NECAB3: variants seen among roughly 807,000 people sequenced by gnomAD.
The protein encoded by NECAB3 is N-terminal EF-hand calcium binding protein 3.
In NECAB3, 38 loss-of-function variants were observed where a neutral mutation model predicts 57.2. That is an observed-to-expected ratio of 0.66 (90% CI 0.51 to 0.87). The LOEUF is 0.87. NECAB3 is among the 40% of genes least tolerant of loss of function. NECAB3 has a pLI of 0.00. For synonymous variants in NECAB3, 223 were observed against 222.6 expected, an observed-to-expected ratio of 1.00 and a Z score of -0.02; for missense variants, 474 against 527.5, an observed-to-expected ratio of 0.90 and a Z score of 0.99.
intron 3 of NECAB3, chr20:33,670,460 T>C: frequency 2.3e-6 from 1 of 442,542 alleles, no homozygotes; most frequent in South Asian, 4.1e-5. Flanking sequence ...CCATGGGTGG[T>C]GACTCAGACT....
In NECAB3 at chr20:33,672,778, G is replaced by A. The variant is rs1159353544; in HGVS notation, c.130-356C>T. On this transcript the variant is annotated intron_variant, in intron 1 of 11. Transcript: ENST00000246190. ...ACAGTTCCAGCTTGAGGAAGGTTGA[G>A]GAGATGGGCCAGGTTGTGGCCCAGG... Among the ~76,000 whole-genome samples the A allele has an allele frequency of 3.9e-5, 6 of 152,310 alleles. No individual in the cohort carries two copies. In the East Asian group the frequency reaches 1.2e-3, roughly 29 times the overall value.
intron 1 of NECAB3, among the ~76,000 whole-genome samples, chr20:33,673,974 C>A (rs1421663983): frequency 6.6e-6 from 1 of 152,062 alleles, no homozygotes; most frequent in Non-Finnish European, 1.5e-5. Flanking sequence ...CCCCCGCCAA[C>A]ACCAGACACA....
intron 5 of NECAB3, chr20:33,668,271 G>A (rs978330866): frequency 1.6e-5 from 25 of 1,546,486 alleles, no homozygotes; most frequent in Non-Finnish European, 2.1e-5. Flanking sequence ...ACTGCGTTGG[G>A]GGACAGCTCT....
intron 5 of NECAB3, chr20:33,666,684 C>A (rs1458887768): frequency 6.6e-6 from 1 of 152,302 alleles, no homozygotes; most frequent in Non-Finnish European, 1.5e-5. Context: ...CAAGGGCTGA[C>A]GGGGCGGAAC....
At chr20:33,663,608 C>T in intron 5 of NECAB3, 1 of 1,610,878 alleles carries the variant, frequency 6.2e-7, no homozygotes, top group Non-Finnish European at 8.5e-7. Flanking sequence ...GACTACGCGT[C>T]CGGCGCTGGG....
At chr20:33,662,575 A>T in intron 5 of NECAB3, 1 of 1,324,400 alleles carries the variant, frequency 7.6e-7, no homozygotes, top group Non-Finnish European at 1.0e-6. Flanking sequence ...CCTTGTATGC[A>T]GAAGTCCTAG....
rs763136485 is a variant in NECAB3 at position 33,659,967 on chromosome 20, G to T, written c.561C>A (p.Leu187=). The change falls in exon 7 of 12, where the codon CTC becomes CTA. Residue 187 remains leucine, a synonymous_variant. Coordinates refer to ENST00000246190, the MANE Select transcript of NECAB3 (RefSeq NM_031232.4). ...DAESVEAQSR[L]CGSRRAGRRA... is the part of the protein sequence containing the mutation. ...GGCGTCCTGCCCGCCGGCTGCCGCA[G>T]AGCCTGCTCTGCGCCTCCACGCTCT... 6.4e-7 allele frequency: 1 copy of T among 1,563,846 alleles called. No individual in the cohort carries two copies. Among genetic ancestry groups the T allele is most frequent in the East Asian group, 2.3e-5 (1 of 42,672 alleles).
At chr20:33,668,764 T>TA (rs1413068997) in intron 5 of NECAB3, among the ~76,000 whole-genome samples, 4 of 152,228 alleles carry the variant, frequency 2.6e-5, no homozygotes, top group African/African-American at 9.6e-5. Context: ...CCCTCCCCCT[T>TA]ACAAGAGCTA....
chr20:33,658,150 G>T, intron 10 of NECAB3, 117 bp from the exon 11 acceptor site: 1 of 886,998 alleles, frequency 1.1e-6, no homozygotes. Context: ...TCTCCCCTGT[G>T]ACACGGGGAA....
chr20:33,659,863 TCCCAC>T lies in NECAB3; in HGVS notation c.643+17_643+21del. ...ATGCGGTGCCTGCCTCGGCCAGGCC[TCCCAC>T]CCCACCCCAGGCGCACCTGTGTCAG... On this transcript the variant is annotated intron_variant, in intron 7 of 11. Coordinates refer to ENST00000246190, the MANE Select transcript of NECAB3 (RefSeq NM_031232.4). The T allele has an allele frequency of 6.5e-7, 1 of 1,540,608 alleles. No homozygotes were observed.
chr20:33,661,180 G>A (rs891895354), intron 5 of NECAB3, among the ~76,000 whole-genome samples: 3 of 152,186 alleles, frequency 2.0e-5, no homozygotes, highest in African/African-American at 7.2e-5. Context: ...GGTCTGGCAC[G>A]TAAGCTCTCG....
chr20:33,658,580 C>T, intron 9 of NECAB3, 26 bp from the exon 10 acceptor site: 1 of 1,613,330 alleles, frequency 6.2e-7, no homozygotes, highest in African/African-American at 1.3e-5. Flanking sequence ...GATGGGCAGG[C>T]CAGGCCAGGG....
chr20:33,659,435 C>A, intron 8 of NECAB3, 62 bp downstream of exon 8: 1 of 1,359,640 alleles, frequency 7.4e-7, no homozygotes, highest in Non-Finnish European at 9.8e-7. Context: ...CCCCATGAAT[C>A]CCCAATTCAT....
chr20:33,672,068 T>C, intron 2 of NECAB3: 1 of 402,450 alleles, frequency 2.5e-6, no homozygotes, highest in Non-Finnish European at 4.6e-6. Flanking sequence ...TGCTCCTTTA[T>C]GAAATAGGGT....
In NECAB3 at chr20:33,660,624, G is replaced by A. The variant is rs2017442137; in HGVS notation, c.388-229C>T. Among the ~76,000 whole-genome samples, 1 of 152,176 alleles carries A rather than the reference G, an allele frequency of 6.6e-6. No homozygotes were observed. Among genetic ancestry groups the A allele is most frequent in the African/African-American group, 2.4e-5 (1 of 41,448 alleles). On this transcript the variant is annotated intron_variant, in intron 5 of 11. Coordinates refer to ENST00000246190, the MANE Select transcript of NECAB3 (RefSeq NM_031232.4). The surrounding 1 kb of genome is among the most constrained non-coding windows in gnomAD (Gnocchi z 4.1). ...GAGGTGTGAGGCCAACTCACAGGGG[G>A]CATCTGCCCAGCGAAGTGCCTGGCC... is the stretch of plus-strand genomic sequence containing the variant.
chr20:33,666,586 G>A (rs1256809506), intron 5 of NECAB3: 2 of 152,336 alleles, frequency 1.3e-5, no homozygotes, highest in African/African-American at 4.8e-5. Flanking sequence ...CTTACCACAA[G>A]GCCCCTTCGC....
At chr20:33,669,234 G>T in intron 5 of NECAB3, 141 bp downstream of exon 5, 1 of 750,720 alleles carries the variant, frequency 1.3e-6, no homozygotes, top group Non-Finnish European at 2.2e-6. Context: ...AGGTCAAGGG[G>T]CACAGCTACA....
intron 2 of NECAB3, among the ~76,000 whole-genome samples, chr20:33,671,468 G>A (rs1346533158): frequency 6.6e-6 from 1 of 152,028 alleles, no homozygotes; most frequent in African/African-American, 2.4e-5. Flanking sequence ...CATGTGTCCT[G>A]ATCAATGGGT....
Position 33,657,734 on chromosome 20 carries a change from G to C in NECAB3, c.*95C>G. On this transcript the variant is annotated 3_prime_UTR_variant, in exon 12 of 12. Transcript: ENST00000246190. ...TCCACCAGGCCCAAGTCCAGGAGGA[G>C]ACAAGTCCTGGTCTTTGCGCTGGGC... The C allele has an allele frequency of 7.5e-7, 1 of 1,340,122 alleles. No individual in the cohort carries two copies. Among genetic ancestry groups the C allele is most frequent in the Non-Finnish European group, 1.0e-6 (1 of 1,001,898 alleles). 83.0% of individuals were successfully genotyped at this position (1,340,122 alleles called of 1,614,324 possible).
Sources: gnomAD v4.1 joint callset for allele counts (sites outside exome capture counted in the v4.1 genomes callset) on GRCh38, gnomAD v4.1.1 for gene constraint, Gnocchi (gnomAD v3.1) non-coding constraint, MANE v1.5 for transcripts, NCBI Gene and HGNC (gene_info 2026-07-23, HGNC 2026-07-21) for gene names.